AFMID: variants seen among roughly 807,000 people sequenced by gnomAD.
AFMID encodes kynurenine formamidase.
In AFMID, 39 loss-of-function variants were observed where a neutral mutation model predicts 47.5. The observed-to-expected ratio is 0.82, with a 90% CI of 0.64 to 1.07. The LOEUF (loss-of-function observed/expected upper bound fraction) is 1.07. Ranked by LOEUF, AFMID falls within the 50% of genes least tolerant of loss-of-function variation. The pLI, the probability that AFMID is intolerant of heterozygous loss-of-function variation, is 0.00. For missense variants in AFMID, 375 were observed against 387.5 expected, an observed-to-expected ratio of 0.97 and a Z score of 0.27; for synonymous variants, 130 against 153.2, an observed-to-expected ratio of 0.85 and a Z score of 1.12.
chr17:78,190,950 C>T lies in AFMID; in HGVS notation c.64-20C>T, dbSNP rs1209634707. ...GTTGAGAAGGAAAGTCTTACGGAGC[C>T]TCATGTTTGTGCCCTGCAGGAGCTG... On this transcript the variant is annotated intron_variant, in intron 1 of 10. Transcript: ENST00000409257. The T allele has an allele frequency of 1.2e-6, 2 of 1,611,268 alleles. No homozygotes were observed. The highest frequency in any genetic ancestry group is 1.7e-6 in the Non-Finnish European group (2 of 1,178,598).
intron 2 of AFMID, chr17:78,197,083 A>G: frequency 7.0e-7 from 1 of 1,422,524 alleles, no homozygotes; most frequent in Non-Finnish European, 9.7e-7. Context: ...CATTCCACTT[A>G]GAACATAAAT....
intron 2 of AFMID, among the ~76,000 whole-genome samples, chr17:78,191,413 C>T (rs147711788): frequency 2.0e-3 from 311 of 152,186 alleles, no homozygotes; most frequent in African/African-American, 7.0e-3. Context: ...ATGTGGAATG[C>T]GGTCACTATT....
rs576916819 is a variant in AFMID at position 78,189,737 on chromosome 17, C to T, written c.64-1233C>T. Among the ~76,000 whole-genome samples, 4 of 151,684 alleles carry T rather than the reference C, an allele frequency of 2.6e-5. No individual in the cohort carries two copies. In the South Asian group the frequency reaches 8.3e-4, roughly 31 times the overall value. On this transcript the variant is annotated intron_variant, in intron 1 of 10. Coordinates refer to ENST00000409257, the MANE Select transcript of AFMID (RefSeq NM_001010982.5). ...GTTTCGCCATATTGCCCAGACTGGT[C>T]TGGAACTCCTGGACTCAAGTGATCT...
intron 2 of AFMID, among the ~76,000 whole-genome samples, chr17:78,194,719 G>T (rs1260303488): frequency 2.6e-5 from 4 of 151,870 alleles, no homozygotes; most frequent in African/African-American, 9.7e-5. Context: ...TTAAGACGGA[G>T]TTTTGCTCTT....
At chr17:78,205,543 C>T (rs762861057) in intron 8 of AFMID, 25 bp downstream of exon 8, 111 of 1,614,010 alleles carry the variant, frequency 6.9e-5, no homozygotes, top group Non-Finnish European at 9.2e-5. Context: ...CACCACCTCC[C>T]CTGGCTCACC....
intron 2 of AFMID, among the ~76,000 whole-genome samples, chr17:78,191,670 C>CA (rs113967464): frequency 0.1 from 13,212 of 128,728 alleles, 1,188 homozygotes; most frequent in African/African-American, 0.24. Flanking sequence ...GACCCTGTCT[C>CA]AAAAAAAAAA....
At chr17:78,193,898 C>T (rs2076040594) in intron 2 of AFMID, among the ~76,000 whole-genome samples, 1 of 151,398 alleles carries the variant, frequency 6.6e-6, no homozygotes, top group South Asian at 2.1e-4. Context: ...ATGGCTTGAA[C>T]CCAGAAGGTG....
rs768539789 is a variant in AFMID at position 78,207,016 on chromosome 17, G to A, written c.*79G>A. ...CCAAAGAGCTTTCGGAGCTGACACT[G>A]ACAGCTTCAGTTTCCCCCAGCACCC... On this transcript the variant is annotated 3_prime_UTR_variant, in exon 11 of 11. Coordinates refer to ENST00000409257, the MANE Select transcript of AFMID (RefSeq NM_001010982.5). 4.7e-4 allele frequency: 693 copies of A among 1,476,810 alleles called. No homozygotes were observed. The highest frequency in any genetic ancestry group is 6.0e-4 in the Non-Finnish European group (635 of 1,055,496). The allele number at this position is 1,476,810 out of a possible 1,614,324, so 91.5% of individuals were successfully genotyped here.
intron 1 of AFMID, among the ~76,000 whole-genome samples, chr17:78,189,900 C>T (rs1216526908): frequency 6.7e-6 from 1 of 149,614 alleles, no homozygotes; most frequent in Non-Finnish European, 1.5e-5. Context: ...AGCATGATCC[C>T]GGCTCACTGC....
rs1187978683 is a variant in AFMID, at chr17:78,206,949, C to T, written c.*12C>T. Reference sequence around the variant, plus strand: ...CAATCTTCCAGTAGTTCTGACGATACTTGGAGCCTGGTCCACGTGCATCCC... The same window carrying T: ...CAATCTTCCAGTAGTTCTGACGATATTTGGAGCCTGGTCCACGTGCATCCC... On this transcript the variant is annotated 3_prime_UTR_variant, in exon 11 of 11. Transcript: ENST00000409257. The T allele has an allele frequency of 5.6e-6, 9 of 1,613,860 alleles. No homozygotes were observed. The Admixed American group carries it at 1.3e-4, about 24-fold the overall frequency.
At chr17:78,197,348 G>A in intron 2 of AFMID, 1 of 728,250 alleles carries the variant, frequency 1.4e-6, no homozygotes, top group Non-Finnish European at 2.2e-6. Flanking sequence ...TCCTACAGAT[G>A]CTTGCAAGTG....
chr17:78,194,979 C>T (rs2076073657), intron 2 of AFMID, among the ~76,000 whole-genome samples: 1 of 151,904 alleles, frequency 6.6e-6, no homozygotes, highest in South Asian at 2.1e-4. Context: ...CAGGCGTGAG[C>T]CACCGTACCC....
Position 78,202,541 on chromosome 17 carries a change from TC to T in AFMID, c.201del (p.Tyr68MetfsTer47), listed in dbSNP as rs1195800950. ...ARATRKSLLHVPYGDGEGEKV... is the reference protein window; with the variant it reads ...ARATRKSLLHXPYGDGEGEKV... ...GCCACCAGGAAGAGCCTGCTGCATG[TC>T]CCCTATGGAGACGGCGAAGGGGAGA... On this transcript the variant is annotated frameshift_variant, in exon 3 of 11. Transcript: ENST00000409257. LOFTEE classifies it high-confidence loss of function. The T allele has an allele frequency of 6.2e-7, 1 of 1,613,810 alleles. No homozygotes were observed. The highest frequency in any genetic ancestry group is 2.2e-5 in the East Asian group (1 of 44,872).
At chr17:78,196,234 G>A (rs111509215) in intron 2 of AFMID, among the ~76,000 whole-genome samples, 78,003 of 151,282 alleles carry the variant, frequency 0.52, 20,690 homozygotes, top group South Asian at 0.64. Flanking sequence ...GCATGGTGGC[G>A]TGCGCCTATA....
At chr17:78,192,085 G>A (rs548734189) in intron 2 of AFMID, among the ~76,000 whole-genome samples, 25 of 150,638 alleles carry the variant, frequency 1.7e-4, no homozygotes, top group Non-Finnish European at 3.0e-4. Flanking sequence ...CGCTAACTTC[G>A]CCTCCTGAGT....
intron 4 of AFMID, 77 bp downstream of exon 4, chr17:78,202,828 G>T: frequency 2.6e-6 from 4 of 1,509,650 alleles, no homozygotes; most frequent in Non-Finnish European, 3.6e-6. Context: ...CAGGGCTGCC[G>T]CAACCAAACT....
chr17:78,206,039 G>T lies in AFMID; in HGVS notation c.874G>T (p.Val292Leu), dbSNP rs139832719. 4 of 1,613,958 alleles carry T rather than the reference G, an allele frequency of 2.5e-6. No individual in the cohort carries two copies. In the South Asian group the frequency reaches 3.3e-5, roughly 13 times the overall value. Residue 292 changes from valine (V) to leucine (L), a missense_variant, in exon 10 of 11, where the codon GTG becomes TTG. Coordinates refer to ENST00000409257, the MANE Select transcript of AFMID (RefSeq NM_001010982.5). The part of the protein sequence containing the change: ...IVENLTQKDN[V>L]LTQIILKTIF... ...TGAGAATCTGACCCAGAAGGACAAC[G>T]TGCTCACCCAGGTGGGGCCTCATCC... is the stretch of plus-strand genomic sequence containing the variant.
In AFMID at chr17:78,191,005, T is replaced by A. The variant is rs759163932; in HGVS notation, c.99T>A (p.Val33=). The change falls in exon 2 of 11, where the codon GTT becomes GTA. Residue 33 remains valine, a synonymous_variant. Coordinates refer to ENST00000409257, the MANE Select transcript of AFMID (RefSeq NM_001010982.5). ...ATCAGTACTGTCCCAGCCGATGGGT[T>A]GTCCGACTGGGAGCAGAGGAAGCCT... ...LENQYCPSRW[V]VRLGAEEALR... The A allele has an allele frequency of 1.1e-5, 18 of 1,613,954 alleles. No individual in the cohort carries two copies. The Admixed American group carries it at 3.0e-4, about 27-fold the overall frequency.
intron 2 of AFMID, chr17:78,192,715 G>GTACCACGA: frequency 2.1e-6 from 1 of 468,198 alleles, no homozygotes; most frequent in South Asian, 1.6e-5. Flanking sequence ...GCAAAGTGCT[G>GTACCACGA]TACCACGATC....
Sources: allele counts gnomAD v4.1 joint callset (sites outside exome capture counted in the v4.1 genomes callset), GRCh38; gene constraint gnomAD v4.1.1; transcripts MANE v1.5; gene names NCBI Gene and HGNC (gene_info 2026-07-23, HGNC 2026-07-21).